ZDHHC11B: variants seen among roughly 807,000 people sequenced by gnomAD.
ZDHHC11B encodes the protein zDHHC palmitoyltransferase 11B (putative).
A neutral mutation model predicts 42.3 loss-of-function variants in ZDHHC11B; 17 were observed. The ratio of observed to expected loss-of-function variants is 0.40; its 90% CI spans 0.27 to 0.60. The LOEUF is 0.60. Among genes scored for constraint, ZDHHC11B ranks in the 20% least tolerant of loss-of-function variants. ZDHHC11B has a pLI of 0.41. For synonymous variants in ZDHHC11B, 123 were observed against 193.5 expected (o/e 0.64, Z 3.02); for missense variants, 262 against 463.2 (o/e 0.57, Z 3.99).
chr5:772,869 G>A (rs1401004396), intron 1 of ZDHHC11B, among the ~76,000 whole-genome samples: 5 of 151,870 alleles, frequency 3.3e-5, no homozygotes, highest in Non-Finnish European at 7.4e-5. Context: ...GAGCTTCACT[G>A]TTCTAGGTTC....
At chr5:775,370 C>T (rs1226948182) in intron 1 of ZDHHC11B, among the ~76,000 whole-genome samples, 2 of 151,954 alleles carry the variant, frequency 1.3e-5, no homozygotes, top group Non-Finnish European at 2.9e-5. Context: ...CTCCCCATCT[C>T]CCTCGCACCC....
At chr5:737,789 A>G (rs1272601719) in intron 10 of ZDHHC11B, among the ~76,000 whole-genome samples, 79 of 148,508 alleles carry the variant, frequency 5.3e-4, no homozygotes, top group South Asian at 3.4e-3. Context: ...ATCAGCACAG[A>G]AGGGACATAC....
intron 1 of ZDHHC11B, among the ~76,000 whole-genome samples, chr5:775,589 C>T (rs1736407284): frequency 6.6e-6 from 1 of 151,866 alleles, no homozygotes; most frequent in African/African-American, 2.4e-5. Flanking sequence ...TTCTGCCTGG[C>T]AGGAGCCGAT....
intron 1 of ZDHHC11B, among the ~76,000 whole-genome samples, chr5:778,026 C>T (rs1736685997): frequency 6.6e-6 from 1 of 152,030 alleles, no homozygotes; most frequent in Admixed American, 6.5e-5. Context: ...GCTGGCAGTG[C>T]TGGGGGACCC....
At chr5:763,229 C>T (rs1198271629) in intron 4 of ZDHHC11B, among the ~76,000 whole-genome samples, 6 of 151,422 alleles carry the variant, frequency 4.0e-5, no homozygotes, top group Admixed American at 6.6e-5. Context: ...ATTAGCTGGG[C>T]GTGGTGGCAC....
chr5:736,601 T>C (rs1483493984), intron 10 of ZDHHC11B, among the ~76,000 whole-genome samples: 7 of 144,534 alleles, frequency 4.8e-5, no homozygotes, highest in African/African-American at 1.8e-4. Context: ...TTTAAGAAAG[T>C]CAGAATTACA....
intron 4 of ZDHHC11B, among the ~76,000 whole-genome samples, chr5:765,535 A>G (rs1735159874): frequency 6.6e-6 from 1 of 151,930 alleles, no homozygotes. Context: ...TGAACCAATC[A>G]GCAGGATGTG....
At chr5:750,241 G>C (rs1236711686) in intron 7 of ZDHHC11B, among the ~76,000 whole-genome samples, 2 of 128,564 alleles carry the variant, frequency 1.6e-5, no homozygotes, top group African/African-American at 5.6e-5. Flanking sequence ...GGCGGGTGGG[G>C]GCAGCTTCTC....
At chr5:775,886 G>C (rs571774975) in intron 1 of ZDHHC11B, among the ~76,000 whole-genome samples, 2 of 148,550 alleles carry the variant, frequency 1.3e-5, no homozygotes, top group South Asian at 4.3e-4. Context: ...GGGCCGAGGC[G>C]CTCAGCAGTA....
chr5:784,052 C>T (rs1307012213), intron 1 of ZDHHC11B, among the ~76,000 whole-genome samples: 1 of 151,576 alleles, frequency 6.6e-6, no homozygotes, highest in African/African-American at 2.4e-5. Context: ...CTCTCCATCG[C>T]CACAGGCCCG....
intron 4 of ZDHHC11B, among the ~76,000 whole-genome samples, chr5:765,939 G>C (rs1735261655): frequency 6.6e-6 from 1 of 151,940 alleles, no homozygotes; most frequent in Non-Finnish European, 1.5e-5. Flanking sequence ...GAAGGCTCTA[G>C]TGAGAAATAA....
chr5:733,335 C>T (rs1743190805), intron 11 of ZDHHC11B, among the ~76,000 whole-genome samples: 1 of 151,922 alleles, frequency 6.6e-6, no homozygotes, highest in South Asian at 2.1e-4. Flanking sequence ...CATCTGTCTC[C>T]CACACACAGT....
intron 1 of ZDHHC11B, among the ~76,000 whole-genome samples, chr5:770,576 G>T (rs1277365391): frequency 2.0e-5 from 3 of 151,946 alleles, no homozygotes; most frequent in Non-Finnish European, 4.4e-5. Context: ...ACTCCCCAGG[G>T]TCTGTGACGT....
At chr5:718,395 T>C (rs1191395011) in intron 12 of ZDHHC11B, among the ~76,000 whole-genome samples, 1 of 151,708 alleles carries the variant, frequency 6.6e-6, no homozygotes, top group East Asian at 1.9e-4. Context: ...GAAGCTGGGC[T>C]GGGTGCAGTG....
At chr5:716,180 A>C (rs1324145360) in intron 13 of ZDHHC11B, among the ~76,000 whole-genome samples, 9 of 151,070 alleles carry the variant, frequency 6.0e-5, no homozygotes, top group African/African-American at 1.7e-4. Flanking sequence ...GAGGGGATAT[A>C]GTAGTGGAGG....
intron 1 of ZDHHC11B, among the ~76,000 whole-genome samples, chr5:779,002 C>T (rs868218340): frequency 6.6e-5 from 10 of 151,492 alleles, no homozygotes; most frequent in Admixed American, 2.0e-4. Flanking sequence ...CAGGGAAGGG[C>T]CCTTGTCGGA....
At position 730,465 on chromosome 5, in the gene ZDHHC11B, C is replaced by T; in HGVS notation, c.1027G>A (p.Ala343Thr). The change falls in exon 12 of 14, where the codon GCA (alanine) becomes ACA (threonine). Residue 343 changes from alanine to threonine, a missense_variant. Physicochemically the swap from Ala to Thr is moderately conservative, Grantham distance 58 (BLOSUM62 0). Transcript: ENST00000508859. ...GTAGATGTACTCGGGGCATCATCTG[C>T]TTCCTGTGGGGGGAAGGGAAGCAAA... ...NQDGDSKAQE[A>T]DDAPSTSTLG... 7 of 1,559,778 alleles carry T rather than the reference C, an allele frequency of 4.5e-6. No homozygotes were observed. The highest frequency in any genetic ancestry group is 6.0e-6 in the Non-Finnish European group (7 of 1,161,574).
chr5:775,066 A>G (rs1736363183), intron 1 of ZDHHC11B, among the ~76,000 whole-genome samples: 2 of 151,884 alleles, frequency 1.3e-5, no homozygotes, highest in Non-Finnish European at 2.9e-5. Context: ...ACTACCCCTC[A>G]GCTCATCACC....
At chr5:762,975 C>T (rs1263916697) in intron 4 of ZDHHC11B, among the ~76,000 whole-genome samples, 1 of 151,854 alleles carries the variant, frequency 6.6e-6, no homozygotes, top group Non-Finnish European at 1.5e-5. Context: ...AGGCGCAGCA[C>T]TCAGACCCTA....
Sources: gnomAD v4.1 joint callset for allele counts (sites outside exome capture counted in the v4.1 genomes callset) on GRCh38, gnomAD v4.1.1 for gene constraint, MANE v1.5 for transcripts, NCBI Gene and HGNC (gene_info 2026-07-23, HGNC 2026-07-21) for gene names.